The following IMPA2 variants were observed in gnomAD, a reference collection of about 807,000 sequenced individuals.
IMPA2 encodes IMP 2.
In IMPA2, 32 loss-of-function variants were observed where a neutral mutation model predicts 35.1. The ratio of observed to expected loss-of-function variants is 0.91; its 90% CI spans 0.69 to 1.23. IMPA2 has a LOEUF of 1.23. Ranked by LOEUF, IMPA2 falls within the 50% of genes most tolerant of loss-of-function variation. The pLI, the probability that IMPA2 is intolerant of heterozygous loss-of-function variation, is 0.00. For missense variants in IMPA2, 334 were observed against 387.6 expected (o/e 0.86, Z 1.16); for synonymous variants, 135 against 160.6 (o/e 0.84, Z 1.20).
At chr18:11,985,147 CAAAAAA>C (rs60194371) in intron 1 of IMPA2, among the ~76,000 whole-genome samples, 19 of 80,522 alleles carry the variant, frequency 2.4e-4, no homozygotes, top group East Asian at 6.1e-4. Flanking sequence ...AACTCTGTCT[CAAAAAA>C]AAAAAAAAAA....
Position 11,996,609 on chromosome 18 carries a change from G to A in IMPA2, c.97-2445G>A, listed in dbSNP as rs569746889. Among the ~76,000 whole-genome samples, 429 of 152,126 alleles carry A rather than the reference G, an allele frequency of 2.8e-3. 3 individuals are homozygous for A. Among genetic ancestry groups the A allele is most frequent in the African/African-American group, 9.0e-3 (372 of 41,488 alleles). ...CTGGTCTCCTAGTGGCTCTCTTCAC[G>A]TGGGAGTTTGAGACTCTGCTCTAGC... On this transcript the variant is annotated intron_variant, in intron 1 of 7. Coordinates refer to ENST00000269159, the MANE Select transcript of IMPA2 (RefSeq NM_014214.3).
chr18:12,029,325 A>G (rs1030281437), intron 7 of IMPA2, among the ~76,000 whole-genome samples: 3 of 151,860 alleles, frequency 2.0e-5, no homozygotes, highest in African/African-American at 7.3e-5. Flanking sequence ...GGTGTCAGCC[A>G]GGATGCTCTT....
intron 2 of IMPA2, among the ~76,000 whole-genome samples, chr18:12,007,628 CTTCT>C (rs71172044): frequency 0.13 from 15,022 of 116,432 alleles, 1,089 homozygotes; most frequent in Non-Finnish European, 0.17. Flanking sequence ...CTTTTTCTTT[CTTCT>C]TTCTTTCTTT....
At chr18:12,016,568 C>T (rs945095720) in intron 5 of IMPA2, among the ~76,000 whole-genome samples, 4 of 152,060 alleles carry the variant, frequency 2.6e-5, no homozygotes, top group African/African-American at 9.7e-5. Flanking sequence ...TACAGGTGCG[C>T]ACCACCACAC....
At chr18:11,986,085 G>A (rs1307759594) in intron 1 of IMPA2, among the ~76,000 whole-genome samples, 1 of 152,120 alleles carries the variant, frequency 6.6e-6, no homozygotes, top group African/African-American at 2.4e-5. Flanking sequence ...CTGTTTACTT[G>A]TAACAAAATC....
intron 1 of IMPA2, among the ~76,000 whole-genome samples, chr18:11,983,282 G>C (rs1332376119): frequency 6.6e-6 from 1 of 152,184 alleles, no homozygotes; most frequent in Non-Finnish European, 1.5e-5. Flanking sequence ...ATGGAACACG[G>C]GTTCTCCTTC....
At position 12,008,660 on chromosome 18, in the gene IMPA2, A is replaced by G. The variant is rs189072241; in HGVS notation, c.231-1223A>G. Reference sequence around the variant, plus strand: ...GTGGGCCTGCGTGTGGGTGGGGTGCAGGAGGAAGGGTGACAGTGCATGGGG... The same window carrying G: ...GTGGGCCTGCGTGTGGGTGGGGTGCGGGAGGAAGGGTGACAGTGCATGGGG... On this transcript the variant is annotated intron_variant, in intron 2 of 7. Coordinates refer to ENST00000269159, the MANE Select transcript of IMPA2 (RefSeq NM_014214.3). 712 of 425,044 alleles carry G rather than the reference A, an allele frequency of 1.7e-3. 5 individuals carry two copies. The highest frequency in any genetic ancestry group is 0.012 in the African/African-American group (584 of 49,692). The allele number at this position is 425,044 out of a possible 1,614,324, so 26.3% of individuals were successfully genotyped here.
At chr18:12,023,781 A>AT (rs1907801028) in intron 5 of IMPA2, among the ~76,000 whole-genome samples, 1 of 152,066 alleles carries the variant, frequency 6.6e-6, no homozygotes, top group South Asian at 2.1e-4. Context: ...CACTGTCCTG[A>AT]TTTTACTGCT....
At position 12,009,970 on chromosome 18, in the gene IMPA2, C is replaced by G. The variant is rs763568442; in HGVS notation, c.318C>G (p.Thr106=). 6.2e-7 allele frequency: 1 copy of G among 1,613,756 alleles called. No individual in the cohort carries two copies. Among genetic ancestry groups the G allele is most frequent in the East Asian group, 2.2e-5 (1 of 44,892 alleles). Residue 106 remains threonine, a synonymous_variant, in exon 3 of 8, where the codon ACC becomes ACG. Coordinates refer to ENST00000269159, the MANE Select transcript of IMPA2 (RefSeq NM_014214.3). ...PTWIIDPIDG[T]CNFVHRFPTV... ...GGATCATCGACCCCATCGACGGCAC[C>G]TGCAATTTTGTGCACAGGTGAGCTG...
chr18:11,998,925 GCCGCCCCC>G (rs796170557), intron 1 of IMPA2, 121 bp from the exon 2 acceptor site: 3,025 of 37,186 alleles, frequency 0.081, 159 homozygotes, highest in East Asian at 0.35. Context: ...TGCTGCCCCC[GCCGCCCCC>G]CCCCCCCCCC....
In IMPA2 at chr18:12,030,414, C is replaced by T; in HGVS notation, c.823C>T (p.Gln275Ter). ...CCGGGAGATGGCGATGCTCATAGCTCAGGCCTTACAGACGATTAACTATGG... is the reference window on the plus strand; with the variant it reads ...CCGGGAGATGGCGATGCTCATAGCTTAGGCCTTACAGACGATTAACTATGG... ...STREMAMLIA[Q>*]ALQTINYGRD... Residue 275 changes from glutamine to a stop codon, truncating the protein, a stop_gained, in exon 8 of 8, where the codon CAG (glutamine) becomes TAG (stop). Coordinates refer to ENST00000269159, the MANE Select transcript of IMPA2 (RefSeq NM_014214.3). LOFTEE classifies it high-confidence loss of function. The T allele has an allele frequency of 6.2e-7, 1 of 1,614,204 alleles. No homozygotes were observed. Among genetic ancestry groups the T allele is most frequent in the Non-Finnish European group, 8.5e-7 (1 of 1,180,032 alleles).
At chr18:12,020,776 T>G (rs1907707457) in intron 5 of IMPA2, among the ~76,000 whole-genome samples, 1 of 152,236 alleles carries the variant, frequency 6.6e-6, no homozygotes, top group South Asian at 2.1e-4. Context: ...TTATGTAATT[T>G]TTCCTAAGTT....
intron 1 of IMPA2, among the ~76,000 whole-genome samples, chr18:11,989,400 G>T (rs1265840147): frequency 6.6e-6 from 1 of 152,196 alleles, no homozygotes; most frequent in Non-Finnish European, 1.5e-5. Context: ...TAGCTCTGCA[G>T]GGTGGGGTCA....
chr18:12,021,481 A>G lies in IMPA2; in HGVS notation c.491-6562A>G, dbSNP rs1598703979. Among the ~76,000 whole-genome samples the G allele has an allele frequency of 2.0e-5, 3 of 152,286 alleles. No individual in the cohort carries two copies. The South Asian group carries it at 6.2e-4, about 32-fold the overall frequency. On this transcript the variant is annotated intron_variant, in intron 5 of 7. Coordinates refer to ENST00000269159, the MANE Select transcript of IMPA2 (RefSeq NM_014214.3). ...AGCTTGTGCCACAGGCATGTTTTAT[A>G]GGCTTTAAAGCACAACTGCCTCTTA...
At chr18:12,001,150 A>C (rs1180239114) in intron 2 of IMPA2, among the ~76,000 whole-genome samples, 1 of 151,562 alleles carries the variant, frequency 6.6e-6, no homozygotes, top group Non-Finnish European at 1.5e-5. Flanking sequence ...AATTGCTTGA[A>C]CCTGGGAGGC....
intron 2 of IMPA2, chr18:12,008,644 C>T (rs1907346596): frequency 2.5e-5 from 11 of 436,468 alleles, no homozygotes; most frequent in South Asian, 1.6e-4. Context: ...TGTGGGCCTG[C>T]GTGTGGGTGG....
intron 7 of IMPA2, 77 bp downstream of exon 7, chr18:12,029,070 C>A: frequency 7.8e-7 from 1 of 1,282,040 alleles, no homozygotes; most frequent in Non-Finnish European, 1.1e-6. Flanking sequence ...TTCCTGAAGT[C>A]CCCACCAACT....
At chr18:11,999,847 G>A (rs948512281) in intron 2 of IMPA2, among the ~76,000 whole-genome samples, 2 of 152,198 alleles carry the variant, frequency 1.3e-5, no homozygotes, top group Admixed American at 6.5e-5. Context: ...ACAGCATTTT[G>A]CATAGCATTT....
At chr18:12,029,076 C>A (rs13381924) in intron 7 of IMPA2, 83 bp downstream of exon 7, 33 of 890,454 alleles carry the variant, frequency 3.7e-5, no homozygotes, top group Non-Finnish European at 4.4e-5. Context: ...AAGTCCCCAC[C>A]AACTGAATTT....
Sources: allele counts gnomAD v4.1 joint callset (sites outside exome capture counted in the v4.1 genomes callset), GRCh38; gene constraint gnomAD v4.1.1; transcripts MANE v1.5; gene names NCBI Gene and HGNC (gene_info 2026-07-23, HGNC 2026-07-21).